CMSS1: variants seen among roughly 807,000 people sequenced by gnomAD.
CMSS1 encodes protein CMSS1.
In CMSS1, 33 loss-of-function variants were observed where a neutral mutation model predicts 43.5. That is an observed-to-expected ratio of 0.76 (90% CI 0.57 to 1.01). The LOEUF (loss-of-function observed/expected upper bound fraction) is 1.01. Among genes scored for constraint, CMSS1 ranks in the 50% least tolerant of loss-of-function variants. The pLI is 0.00. For missense variants in CMSS1, 313 were observed against 326.4 expected (o/e 0.96, Z 0.32); for synonymous variants, 115 against 117.2 (o/e 0.98, Z 0.12).
At chr3:100,089,753 G>T (rs1022964428) in intron 1 of CMSS1, among the ~76,000 whole-genome samples, 3 of 152,208 alleles carry the variant, frequency 2.0e-5, no homozygotes, top group Non-Finnish European at 4.4e-5. Flanking sequence ...ATCTGGAAAA[G>T]AAGACACCCG....
intron 1 of CMSS1, among the ~76,000 whole-genome samples, chr3:100,115,455 T>C (rs1412084738): frequency 1.3e-5 from 2 of 152,158 alleles, no homozygotes; most frequent in Non-Finnish European, 2.9e-5. Flanking sequence ...TTCAGACTTA[T>C]AGAAAAAATA....
chr3:100,102,228 G>C (rs796398958), intron 1 of CMSS1, among the ~76,000 whole-genome samples: 6 of 151,262 alleles, frequency 4.0e-5, no homozygotes, highest in Admixed American at 6.6e-5. Flanking sequence ...CTAGTTTACA[G>C]TCCCATCAAC....
chr3:100,049,327 G>A (rs1575988727), intron 1 of CMSS1, among the ~76,000 whole-genome samples: 1 of 152,188 alleles, frequency 6.6e-6, no homozygotes, highest in Non-Finnish European at 1.5e-5. Flanking sequence ...CTTCTAGCTT[G>A]TTATGAAACC....
chr3:99,832,858 GTTGTTT>G (rs1308945134), intron 1 of CMSS1, among the ~76,000 whole-genome samples: 119 of 111,500 alleles, frequency 1.1e-3, no homozygotes, highest in Non-Finnish European at 1.9e-3. Flanking sequence ...AAAAAAAAAA[GTTGTTT>G]TTTTTTTTTT....
intron 1 of CMSS1, among the ~76,000 whole-genome samples, chr3:100,128,078 C>A (rs1576090477): frequency 6.6e-6 from 1 of 152,338 alleles, no homozygotes; most frequent in Non-Finnish European, 1.5e-5. Flanking sequence ...CTTGTCAAGC[C>A]TGGGCTATGA....
At chr3:100,072,795 G>T (rs970754344) in intron 1 of CMSS1, among the ~76,000 whole-genome samples, 6 of 152,150 alleles carry the variant, frequency 3.9e-5, no homozygotes, top group African/African-American at 1.4e-4. Context: ...AAGAACAGAG[G>T]TTCTCAAATT....
intron 1 of CMSS1, among the ~76,000 whole-genome samples, chr3:99,971,270 G>A (rs900824574): frequency 9.2e-4 from 140 of 151,640 alleles, no homozygotes; most frequent in Middle Eastern, 3.4e-3. Context: ...AACCCGGGGC[G>A]CGGAGCTTGC....
chr3:100,166,677 G>C (rs550459845), intron 5 of CMSS1, among the ~76,000 whole-genome samples: 7 of 152,272 alleles, frequency 4.6e-5, no homozygotes, highest in African/African-American at 1.7e-4. Context: ...CTGTTTGCAT[G>C]TTTACCACTC....
At chr3:100,140,567 G>T (rs976977778) in intron 1 of CMSS1, among the ~76,000 whole-genome samples, 4 of 151,932 alleles carry the variant, frequency 2.6e-5, no homozygotes, top group African/African-American at 4.8e-5. Flanking sequence ...GCCCAAGCTG[G>T]TCTTGAACTT....
intron 1 of CMSS1, among the ~76,000 whole-genome samples, chr3:100,066,517 C>CTTTTTTTTTTTTTTTTTTTTTTTTTTTT (rs545356638): frequency 2.6e-5 from 1 of 38,304 alleles, no homozygotes; most frequent in Non-Finnish European, 4.4e-5. Flanking sequence ...GGCTTTGCTT[C>CTTTTTTTTTTTTTTTTTTTTTTTTTTTT]TTTTTTTTTT....
intron 1 of CMSS1, among the ~76,000 whole-genome samples, chr3:99,913,300 C>T (rs144798830): frequency 6.6e-6 from 1 of 152,304 alleles, no homozygotes; most frequent in East Asian, 1.9e-4. Context: ...TTCCAATGCA[C>T]CATTTTACAT....
chr3:99,888,473 A>G (rs1486465891), intron 1 of CMSS1, among the ~76,000 whole-genome samples: 2 of 152,220 alleles, frequency 1.3e-5, no homozygotes, highest in Non-Finnish European at 2.9e-5. Context: ...GGCTGGGTAA[A>G]GATCTCCCAG....
chr3:99,850,349 A>G, intron 1 of CMSS1: 1 of 1,613,018 alleles, frequency 6.2e-7, no homozygotes, highest in Admixed American at 1.7e-5. Flanking sequence ...CATTTCAGAG[A>G]GTAGCATTCT....
At chr3:99,923,196 C>T (rs1334401102) in intron 1 of CMSS1, among the ~76,000 whole-genome samples, 3 of 152,076 alleles carry the variant, frequency 2.0e-5, no homozygotes, top group African/African-American at 7.2e-5. Context: ...CTTCTCACCA[C>T]ACCAACACCC....
intron 1 of CMSS1, among the ~76,000 whole-genome samples, chr3:100,140,241 C>T (rs2107506611): frequency 6.6e-6 from 1 of 151,898 alleles, no homozygotes; most frequent in Non-Finnish European, 1.5e-5. Flanking sequence ...CCTCACTATC[C>T]TTGCTTCAAA....
intron 1 of CMSS1, among the ~76,000 whole-genome samples, chr3:100,073,758 C>A (rs542175549): frequency 1.3e-5 from 2 of 152,118 alleles, no homozygotes; most frequent in South Asian, 2.1e-4. Flanking sequence ...GGGTGTGTGC[C>A]GGGCAAGATC....
At chr3:100,067,763 T>C (rs970287569) in intron 1 of CMSS1, among the ~76,000 whole-genome samples, 21 of 152,208 alleles carry the variant, frequency 1.4e-4, no homozygotes, top group Admixed American at 2.0e-4. Context: ...TACTTTGAAA[T>C]AGTCTCTGTG....
intron 1 of CMSS1, among the ~76,000 whole-genome samples, chr3:99,996,720 G>T (rs1220373203): frequency 1.3e-5 from 2 of 151,984 alleles, no homozygotes; most frequent in African/African-American, 4.8e-5. Context: ...ATGCAAAAGC[G>T]GAAACTCCTG....
intron 1 of CMSS1, among the ~76,000 whole-genome samples, chr3:99,948,911 C>T (rs1708096193): frequency 6.6e-6 from 1 of 152,132 alleles, no homozygotes. Flanking sequence ...TCATTGTAAA[C>T]TGCACACTGT....
Sources: gnomAD v4.1 joint callset for allele counts (sites outside exome capture counted in the v4.1 genomes callset) on GRCh38, gnomAD v4.1.1 for gene constraint, MANE v1.5 for transcripts, NCBI Gene and HGNC (gene_info 2026-07-23, HGNC 2026-07-21) for gene names.